The following GTF2E1 variants were observed in gnomAD, a reference collection of about 807,000 sequenced individuals.
GTF2E1 encodes the protein general transcription factor IIE subunit 1.
Under a neutral mutation model 34.9 loss-of-function variants are expected in GTF2E1, and 14 were observed. The ratio of observed to expected loss-of-function variants is 0.40; its 90% CI spans 0.27 to 0.63. The LOEUF (loss-of-function observed/expected upper bound fraction) is 0.63, where lower values mean the gene tolerates loss of function less well. Among genes scored for constraint, GTF2E1 ranks in the 20% least tolerant of loss-of-function variants. GTF2E1 has a pLI of 0.39. For missense variants in GTF2E1, 469 were observed against 557.7 expected, an observed-to-expected ratio of 0.84 and a Z score of 1.60; for synonymous variants, 188 against 192.9, an observed-to-expected ratio of 0.97 and a Z score of 0.21.
intron 2 of GTF2E1, among the ~76,000 whole-genome samples, chr3:120,756,170 T>G (rs1709207292): frequency 6.6e-6 from 1 of 152,202 alleles, no homozygotes; most frequent in Non-Finnish European, 1.5e-5. Context: ...TTTTTAGTTT[T>G]TTGAGGAACC....
chr3:120,755,195 A>G (rs563997666), intron 2 of GTF2E1, among the ~76,000 whole-genome samples: 217 of 152,336 alleles, frequency 1.4e-3, no homozygotes, highest in Non-Finnish European at 2.6e-3. Context: ...GGAATAGTCA[A>G]GTAAACTTGG....
At chr3:120,775,535 C>T (rs948747866) in intron 3 of GTF2E1, among the ~76,000 whole-genome samples, 2 of 151,946 alleles carry the variant, frequency 1.3e-5, no homozygotes, top group South Asian at 2.1e-4. Context: ...CAGGCATATT[C>T]GAAAGAATTT....
At chr3:120,778,932 A>C (rs1434343962) in intron 4 of GTF2E1, among the ~76,000 whole-genome samples, 2 of 152,148 alleles carry the variant, frequency 1.3e-5, no homozygotes, top group Non-Finnish European at 2.9e-5. Flanking sequence ...TACAACCTTC[A>C]GCTCTTCCTA....
chr3:120,774,403 C>T (rs378561), intron 3 of GTF2E1, among the ~76,000 whole-genome samples: 9,293 of 152,012 alleles, frequency 0.061, 467 homozygotes, highest in African/African-American at 0.13. Context: ...GAGAAAAGTT[C>T]GAAAAGCCAA....
chr3:120,767,382 T>C (rs1012910521), intron 2 of GTF2E1, among the ~76,000 whole-genome samples: 2 of 152,198 alleles, frequency 1.3e-5, no homozygotes, highest in African/African-American at 2.4e-5. Context: ...CATGTTTACA[T>C]AGAGTTTATA....
In GTF2E1 at chr3:120,782,425, G is replaced by A. The variant is rs1709456423; in HGVS notation, c.*955G>A. ...ATGTCTTTTGGTTTGGATTTAGGAT[G>A]ATAGAAAACAGAAGTATAATTGGTA... On this transcript the variant is annotated 3_prime_UTR_variant, in exon 5 of 5. Transcript: ENST00000283875. 6.6e-6 allele frequency: 1 copy of A among 152,186 alleles called. No homozygotes were observed. Among genetic ancestry groups the A allele is most frequent in the Non-Finnish European group, 1.5e-5 (1 of 68,052 alleles). The allele number at this position is 152,186 out of a possible 1,614,324, so 9.4% of individuals were successfully genotyped here. A position where few individuals can be genotyped will look rare whatever the true frequency, so the allele number is the denominator to read the frequency against.
rs368911794 is a variant in GTF2E1, at chr3:120,751,613, A to G, written c.448+613A>G. On this transcript the variant is annotated intron_variant, in intron 2 of 4. Transcript: ENST00000283875. The stretch of plus-strand genomic sequence containing the variant: ...GATTGAATAGTTTTAAGGATTTTTC[A>G]TAACACAATTTAGAAAGCATGCATT... Among the ~76,000 whole-genome samples, 121 of 152,354 alleles carry G rather than the reference A, an allele frequency of 7.9e-4. 1 individual carries two copies. Among genetic ancestry groups the G allele is most frequent in the African/African-American group, 2.8e-3 (117 of 41,588 alleles).
At chr3:120,757,484 A>G (rs550580159) in intron 2 of GTF2E1, among the ~76,000 whole-genome samples, 4 of 152,272 alleles carry the variant, frequency 2.6e-5, no homozygotes, top group African/African-American at 9.6e-5. Context: ...AATTTTTATA[A>G]GATGATTTTT....
chr3:120,743,290 G>T (rs1709073664), intron 1 of GTF2E1, among the ~76,000 whole-genome samples: 1 of 152,150 alleles, frequency 6.6e-6, no homozygotes, highest in Admixed American at 6.6e-5. Flanking sequence ...TCTCCACTCT[G>T]CAGTCAGTAC....
At chr3:120,747,497 T>G (rs1041400784) in intron 1 of GTF2E1, among the ~76,000 whole-genome samples, 1 of 152,034 alleles carries the variant, frequency 6.6e-6, no homozygotes, top group Non-Finnish European at 1.5e-5. Context: ...ATATATGCGG[T>G]GTTTGGTTTT....
At chr3:120,744,630 G>A (rs551157210) in intron 1 of GTF2E1, among the ~76,000 whole-genome samples, 2 of 152,002 alleles carry the variant, frequency 1.3e-5, no homozygotes, top group African/African-American at 4.8e-5. Context: ...AATATATTTT[G>A]TTGGGTCCTT....
chr3:120,751,130 C>A, intron 2 of GTF2E1, 130 bp downstream of exon 2: 1 of 630,964 alleles, frequency 1.6e-6, no homozygotes, highest in Non-Finnish European at 2.7e-6. Context: ...TAAATCACAG[C>A]ATACAGTCAG....
At chr3:120,747,668 TC>T (rs1709119833) in intron 1 of GTF2E1, among the ~76,000 whole-genome samples, 1 of 152,232 alleles carries the variant, frequency 6.6e-6, no homozygotes, top group Non-Finnish European at 1.5e-5. Context: ...TTGGGTTGGT[TC>T]CCAGTCTTTG....
chr3:120,771,943 G>T (rs540625980), intron 3 of GTF2E1, among the ~76,000 whole-genome samples: 21 of 152,286 alleles, frequency 1.4e-4, no homozygotes, highest in African/African-American at 5.1e-4. Context: ...ATGACTAGAA[G>T]TCTTGAAGTA....
At chr3:120,768,304 C>CTGGAGGGAAGGCATCTGGG (rs1709325514) in intron 2 of GTF2E1, among the ~76,000 whole-genome samples, 1 of 152,078 alleles carries the variant, frequency 6.6e-6, no homozygotes, top group East Asian at 1.9e-4. Flanking sequence ...ATGTGATTTT[C>CTGGAGGGAAGGCATCTGGG]TGGAGGGAAG....
At position 120,745,440 on chromosome 3, in the gene GTF2E1, A is replaced by G. The variant is rs140882597; in HGVS notation, c.-31+2646A>G. Among the ~76,000 whole-genome samples the G allele has an allele frequency of 3.1e-3, 472 of 152,252 alleles. 2 individuals are homozygous for G. Among genetic ancestry groups the G allele is most frequent in the Admixed American group, 5.8e-3 (89 of 15,300 alleles). The stretch of plus-strand genomic sequence containing the variant: ...CATGCAGGATGAGCATTGGCAGGAT[A>G]TATAATAGGGACTTTTGCTGCATAG... On this transcript the variant is annotated intron_variant, in intron 1 of 4. Coordinates refer to ENST00000283875, the MANE Select transcript of GTF2E1 (RefSeq NM_005513.3).
intron 2 of GTF2E1, among the ~76,000 whole-genome samples, chr3:120,760,673 T>G (rs1452529855): frequency 6.6e-6 from 1 of 152,232 alleles, no homozygotes; most frequent in Admixed American, 6.5e-5. Flanking sequence ...TCTGCATCTA[T>G]TGAGATAATC....
At chr3:120,756,122 A>G (rs113253417) in intron 2 of GTF2E1, among the ~76,000 whole-genome samples, 1 of 152,126 alleles carries the variant, frequency 6.6e-6, no homozygotes, top group African/African-American at 2.4e-5. Context: ...TTGGGTATAT[A>G]CTCAGCAGTG....
At chr3:120,773,618 C>T (rs1171053973) in intron 3 of GTF2E1, among the ~76,000 whole-genome samples, 1 of 152,090 alleles carries the variant, frequency 6.6e-6, no homozygotes, top group East Asian at 1.9e-4. Flanking sequence ...GTAACCTTCC[C>T]TTTTTCATCA....
Sources: gnomAD v4.1 joint callset for allele counts (sites outside exome capture counted in the v4.1 genomes callset) on GRCh38, gnomAD v4.1.1 for gene constraint, MANE v1.5 for transcripts, NCBI Gene and HGNC (gene_info 2026-07-23, HGNC 2026-07-21) for gene names.